RGS5: variants seen among roughly 807,000 people sequenced by gnomAD.
The protein encoded by RGS5 is regulator of G protein signaling 5, also known as regulator of G-protein signalling 5.
Under a neutral mutation model 18.9 loss-of-function variants are expected in RGS5, and 20 were observed. That is an observed-to-expected ratio of 1.06 (90% CI 0.74 to 1.54). The LOEUF (loss-of-function observed/expected upper bound fraction) is 1.54, where lower values mean the gene tolerates loss of function less well. RGS5 is among the 40% of genes most tolerant of loss of function. RGS5 has a pLI of 0.00. For synonymous variants in RGS5, 57 were observed against 76.2 expected (o/e 0.75, Z 1.31); for missense variants, 201 against 211.8 (o/e 0.95, Z 0.32).
intron 2 of RGS5, chr1:163,238,691 A>G (rs772948981): frequency 5.0e-5 from 14 of 278,458 alleles, no homozygotes; most frequent in Admixed American, 8.2e-5. Flanking sequence ...AACCATGTAA[A>G]TCATTTGATT....
At chr1:163,197,049 A>G (rs1659588477) in intron 1 of RGS5, among the ~76,000 whole-genome samples, 1 of 152,174 alleles carries the variant, frequency 6.6e-6, no homozygotes, top group African/African-American at 2.4e-5. Context: ...TTTCCCCTGA[A>G]TAAATCTCTT....
At chr1:163,215,473 C>T (rs1332803273) in intron 1 of RGS5, among the ~76,000 whole-genome samples, 1 of 152,114 alleles carries the variant, frequency 6.6e-6, no homozygotes, top group Non-Finnish European at 1.5e-5. Flanking sequence ...ACATGCAATA[C>T]TAGTGTGTCA....
upstream of RGS5, chr1:163,206,921 TATATAA>T (rs1312163502): frequency 2.6e-5 from 4 of 152,240 alleles, no homozygotes; most frequent in African/African-American, 4.8e-5. Flanking sequence ...TGTTTTGATT[TATATAA>T]ATATAATCTG....
rs936663092 is a variant in RGS5, at chr1:163,165,329, A to G, written c.155+2929T>C. On this transcript the variant is annotated intron_variant, in intron 2 of 4. Coordinates refer to ENST00000313961, the MANE Select transcript of RGS5 (RefSeq NM_003617.4). ...GAAAAAGGGGTTAAAAATTGCTGAC[A>G]TAGGCAGGGGAAAGGGAGACATTTA... is the stretch of plus-strand genomic sequence containing the variant. Among the ~76,000 whole-genome samples the G allele has an allele frequency of 2.6e-5, 4 of 152,246 alleles. No individual in the cohort carries two copies. The South Asian group carries it at 6.2e-4, about 24-fold the overall frequency.
chr1:163,245,040 T>C (rs917548257), intron 2 of RGS5: 2 of 152,208 alleles, frequency 1.3e-5, no homozygotes, highest in African/African-American at 4.8e-5. Flanking sequence ...GTCTGAGAAA[T>C]AAAACCTTAG....
chr1:163,199,109 TG>T (rs1333874302), intron 1 of RGS5, among the ~76,000 whole-genome samples: 1 of 152,194 alleles, frequency 6.6e-6, no homozygotes, highest in Non-Finnish European at 1.5e-5. Context: ...AATTCAAACT[TG>T]AAAATCATGG....
At chr1:163,220,058 T>C (rs983765572), upstream of RGS5, among the ~76,000 whole-genome samples, 4 of 152,216 alleles carry the variant, frequency 2.6e-5, no homozygotes, top group Non-Finnish European at 4.4e-5. Flanking sequence ...TTGTTCTACA[T>C]TCTAATCAAC....
chr1:163,266,222 C>G (rs1204592698), intron 2 of RGS5, among the ~76,000 whole-genome samples: 1 of 152,126 alleles, frequency 6.6e-6, no homozygotes, highest in African/African-American at 2.4e-5. Flanking sequence ...TAATCTCCTC[C>G]CTACCACTTA....
At chr1:163,234,388 T>C (rs1647566023) in intron 2 of RGS5, among the ~76,000 whole-genome samples, 1 of 152,228 alleles carries the variant, frequency 6.6e-6, no homozygotes, top group Non-Finnish European at 1.5e-5. Context: ...TTCCATTTTA[T>C]ATATTGCCTG....
chr1:163,232,578 G>T (rs900809129), intron 2 of RGS5, among the ~76,000 whole-genome samples: 1 of 152,148 alleles, frequency 6.6e-6, no homozygotes, highest in African/African-American at 2.4e-5. Flanking sequence ...AGGTAGAAAT[G>T]AATGTCATTA....
chr1:163,212,992 C>T (rs577751298), intron 1 of RGS5: 1 of 152,230 alleles, frequency 6.6e-6, no homozygotes, highest in South Asian at 2.1e-4. Context: ...ACTTCCTAGA[C>T]TTCAATGAAA....
intron 1 of RGS5, among the ~76,000 whole-genome samples, chr1:163,310,804 G>A (rs969050867): frequency 1.3e-5 from 2 of 152,186 alleles, no homozygotes; most frequent in African/African-American, 4.8e-5. Context: ...AATTTATAAA[G>A]AAAGAGGTTT....
chr1:163,189,698 A>G (rs1026441502), intron 1 of RGS5, among the ~76,000 whole-genome samples: 3 of 152,128 alleles, frequency 2.0e-5, no homozygotes, highest in Admixed American at 2.0e-4. Context: ...CAAAAGTTAG[A>G]CCACTCAATT....
At chr1:163,178,169 G>C (rs1035043324) in intron 1 of RGS5, among the ~76,000 whole-genome samples, 2 of 152,062 alleles carry the variant, frequency 1.3e-5, no homozygotes, top group Non-Finnish European at 2.9e-5. Flanking sequence ...AAATTAGCCA[G>C]GCGTGGTGGT....
intron 1 of RGS5, among the ~76,000 whole-genome samples, chr1:163,187,709 G>C (rs1170144574): frequency 6.6e-6 from 1 of 152,108 alleles, no homozygotes; most frequent in Non-Finnish European, 1.5e-5. Context: ...CCTCACCCTA[G>C]TGTCTCTTCC....
upstream of RGS5, among the ~76,000 whole-genome samples, chr1:163,205,302 T>C (rs553423152): frequency 2.6e-4 from 32 of 123,862 alleles, no homozygotes; most frequent in African/African-American, 1.0e-3. Flanking sequence ...CACTTAAAAA[T>C]CTGTGAAGAG....
At chr1:163,255,387 T>C (rs974452903) in intron 2 of RGS5, among the ~76,000 whole-genome samples, 19 of 152,190 alleles carry the variant, frequency 1.2e-4, no homozygotes, top group African/African-American at 4.6e-4. Context: ...CCTCGACACA[T>C]ACATCCTCCC....
chr1:163,171,346 G>A (rs551734501), intron 1 of RGS5, among the ~76,000 whole-genome samples: 3 of 152,244 alleles, frequency 2.0e-5, no homozygotes, highest in African/African-American at 4.8e-5. Flanking sequence ...CACCCAGTCC[G>A]TGAAAACCTT....
At chr1:163,261,861 T>C (rs913294041) in intron 2 of RGS5, among the ~76,000 whole-genome samples, 1 of 151,966 alleles carries the variant, frequency 6.6e-6, no homozygotes, top group African/African-American at 2.4e-5. Context: ...ATTCTTCTCT[T>C]AGTAAATCTT....
Sources: gnomAD v4.1 joint callset for allele counts (sites outside exome capture counted in the v4.1 genomes callset) on GRCh38, gnomAD v4.1.1 for gene constraint, MANE v1.5 for transcripts, NCBI Gene and HGNC (gene_info 2026-07-23, HGNC 2026-07-21) for gene names.